Variants in VPS13A observed in about 807,000 individuals in gnomAD.
VPS13A encodes the protein intermembrane lipid transfer protein VPS13A.
In VPS13A, 264 loss-of-function variants were observed where a neutral mutation model predicts 390.9. The observed-to-expected ratio is 0.68, with a 90% CI of 0.61 to 0.75. The LOEUF (loss-of-function observed/expected upper bound fraction) is 0.75, where lower values mean the gene tolerates loss of function less well. VPS13A is among the 30% of genes least tolerant of loss of function. The probability of loss-of-function intolerance (pLI) is 0.00; values close to 1 mark genes in which losing one functional copy is unlikely to be tolerated. For synonymous variants in VPS13A, 1,231 were observed against 1,227.1 expected, an observed-to-expected ratio of 1.00 and a Z score of -0.07; for missense variants, 3,409 against 3,733.9, an observed-to-expected ratio of 0.91 and a Z score of 2.27.
intron 67 of VPS13A, among the ~76,000 whole-genome samples, chr9:77,377,044 T>C (rs1251653157): frequency 3.3e-5 from 5 of 152,158 alleles, no homozygotes; most frequent in Non-Finnish European, 5.9e-5. Flanking sequence ...ATTTGGGGAG[T>C]GTAGCCATCT....
Position 77,183,129 on chromosome 9 carries a change from A to G in VPS13A, c.100+5325A>G, listed in dbSNP as rs560187153. The stretch of plus-strand genomic sequence containing the variant: ...TAAAGACTATGAAACATTTTATTAT[A>G]AAAAGTGTTAGGAGATTTTACAGTG... On this transcript the variant is annotated intron_variant, in intron 1 of 71. Transcript: ENST00000360280. Among the ~76,000 whole-genome samples, 287 of 152,334 alleles carry G rather than the reference A, an allele frequency of 1.9e-3. 1 individual carries two copies. The highest frequency in any genetic ancestry group is 6.7e-3 in the African/African-American group (277 of 41,588).
intron 26 of VPS13A, among the ~76,000 whole-genome samples, chr9:77,279,167 G>C (rs546040847): frequency 6.6e-6 from 1 of 152,332 alleles, no homozygotes; most frequent in Non-Finnish European, 1.5e-5. Context: ...TGTACCAGAA[G>C]AATTGGATGA....
chr9:77,205,566 G>T lies in VPS13A; in HGVS notation c.283+158G>T, dbSNP rs994068668. Among the ~76,000 whole-genome samples the T allele has an allele frequency of 2.0e-5, 3 of 150,948 alleles. No homozygotes were observed. The East Asian group carries it at 5.8e-4, about 29-fold the overall frequency. ...AATTGGTTTTTACTCTACATTTTTG[G>T]CAACTTTGAATTATTTATTATTTAT... On this transcript the variant is annotated intron_variant, in intron 4 of 71. Transcript: ENST00000360280.
chr9:77,294,721 T>G (rs958568013), intron 32 of VPS13A, among the ~76,000 whole-genome samples: 1 of 152,188 alleles, frequency 6.6e-6, no homozygotes, highest in Non-Finnish European at 1.5e-5. Flanking sequence ...TAAAAAAAAT[T>G]AGAGTTGGGT....
chr9:77,200,701 A>C (rs1825280419), intron 2 of VPS13A, among the ~76,000 whole-genome samples: 1 of 152,020 alleles, frequency 6.6e-6, no homozygotes, highest in Non-Finnish European at 1.5e-5. Context: ...AAAAGTTTTT[A>C]ATCTGATAAA....
intron 67 of VPS13A, 84 bp from the exon 68 acceptor site, chr9:77,381,892 A>G: frequency 7.0e-6 from 6 of 852,608 alleles, no homozygotes; most frequent in Non-Finnish European, 1.1e-5. Context: ...CTGAAATAAG[A>G]TTGTTTTTAG....
intron 19 of VPS13A, among the ~76,000 whole-genome samples, chr9:77,244,106 C>T (rs894387702): frequency 1.3e-5 from 2 of 152,026 alleles, no homozygotes; most frequent in African/African-American, 4.8e-5. Context: ...GGTTTGGTGA[C>T]GTGTACCTAT....
intron 45 of VPS13A, among the ~76,000 whole-genome samples, chr9:77,330,446 C>A (rs1830225086): frequency 6.6e-6 from 1 of 152,148 alleles, no homozygotes; most frequent in Admixed American, 6.5e-5. Context: ...CAGCTTCCAA[C>A]CAACTTTTTC....
chr9:77,299,895 G>A (rs546123925), intron 33 of VPS13A, among the ~76,000 whole-genome samples: 4 of 152,212 alleles, frequency 2.6e-5, no homozygotes, highest in Non-Finnish European at 5.9e-5. Context: ...TATGGACACA[G>A]GAGGGGGAAC....
intron 5 of VPS13A, 110 bp from the exon 6 acceptor site, chr9:77,209,313 A>G (rs965620992): frequency 1.4e-6 from 1 of 734,840 alleles, no homozygotes; most frequent in African/African-American, 1.8e-5. Flanking sequence ...TTCTATTTAC[A>G]TATATATGTA....
At chr9:77,216,882 T>C (rs1048635954) in intron 10 of VPS13A, among the ~76,000 whole-genome samples, 2 of 152,150 alleles carry the variant, frequency 1.3e-5, no homozygotes, top group Non-Finnish European at 2.9e-5. Context: ...GAGAAAGATG[T>C]AGGCTCAGAG....
At chr9:77,350,497 A>G (rs1325404419) in intron 52 of VPS13A, among the ~76,000 whole-genome samples, 1 of 152,108 alleles carries the variant, frequency 6.6e-6, no homozygotes, top group Non-Finnish European at 1.5e-5. Flanking sequence ...GTGTTATGCT[A>G]TTGCTTGTTC....
chr9:77,303,975 T>C (rs543024720), intron 34 of VPS13A, among the ~76,000 whole-genome samples: 2 of 152,142 alleles, frequency 1.3e-5, no homozygotes, highest in Admixed American at 6.5e-5. Flanking sequence ...TTTCCTCTTT[T>C]ACTAATCCAC....
rs1415770227 is a variant in VPS13A, at chr9:77,221,322, A to G, written c.1127A>G (p.Lys376Arg). 6.2e-7 allele frequency: 1 copy of G among 1,613,240 alleles called. No homozygotes were observed. Among genetic ancestry groups the G allele is most frequent in the Non-Finnish European group, 8.5e-7 (1 of 1,179,474 alleles). The change falls in exon 13 of 72, where the codon AAG becomes AGG. Residue 376 changes from lysine to arginine, a missense_variant. Physicochemically the swap from Lys to Arg is conservative, Grantham distance 26. Transcript: ENST00000360280. ...KELYKKKLTS[K>R]KPPGELLVSL... ...CTGTATAAAAAAAAGTTAACAAGTA[A>G]GAAGCCACCTGGTGAACTTCTCGTG...
intron 36 of VPS13A, among the ~76,000 whole-genome samples, 160 bp downstream of exon 36, chr9:77,314,279 C>CT (rs1829254064): frequency 6.6e-6 from 1 of 151,942 alleles, no homozygotes; most frequent in Non-Finnish European, 1.5e-5. Flanking sequence ...AACTATTTCC[C>CT]TTTTAAATGA....
At chr9:77,261,206 T>G (rs1486573825) in intron 23 of VPS13A, among the ~76,000 whole-genome samples, 2 of 152,272 alleles carry the variant, frequency 1.3e-5, no homozygotes, top group Non-Finnish European at 2.9e-5. Flanking sequence ...GCCTGTATTC[T>G]TTTATTTTTA....
intron 35 of VPS13A, 128 bp from the exon 36 acceptor site, chr9:77,313,864 T>C (rs1442549908): frequency 5.7e-6 from 6 of 1,044,154 alleles, no homozygotes; most frequent in Non-Finnish European, 8.2e-6. Context: ...AATTTTCTAA[T>C]ATTTTATTTT....
At position 77,226,549 on chromosome 9, in the gene VPS13A, T is replaced by G; in HGVS notation, c.1308T>G (p.Ser436=). 2 of 1,613,276 alleles carry G rather than the reference T, an allele frequency of 1.2e-6. No homozygotes were observed. Among genetic ancestry groups the G allele is most frequent in the Non-Finnish European group, 1.7e-6 (2 of 1,179,482 alleles). ...DNKGWFSWLW[S]WSEQNTNEQQ... ...AAGGGTGGTTTAGCTGGCTATGGTC[T>G]TGGTCAGAACAAAATACTAATGAAC... is the stretch of plus-strand genomic sequence containing the variant. The change falls in exon 15 of 72, where the codon TCT becomes TCG. Residue 436 remains serine, a synonymous_variant. Coordinates refer to ENST00000360280, the MANE Select transcript of VPS13A (RefSeq NM_033305.3).
In VPS13A at chr9:77,238,162, G is replaced by A; in HGVS notation, c.1756G>A (p.Ala586Thr). Residue 586 changes from alanine (A) to threonine (T), a missense_variant, in exon 18 of 72, where the codon GCT becomes ACT. Ala to Thr is a moderately conservative substitution (Grantham distance 58). Coordinates refer to ENST00000360280, the MANE Select transcript of VPS13A (RefSeq NM_033305.3). ...ETVSQRCIIE[A>T]EPLEIIYDAR... is the part of the protein sequence containing the mutation. ...TGTTTCTCAGAGGTGTATCATAGAA[G>A]CTGAACCTTTAGAAATCATATATGA... 1 of 1,613,554 alleles carries A rather than the reference G, an allele frequency of 6.2e-7. No homozygotes were observed. The highest frequency in any genetic ancestry group is 1.1e-5 in the South Asian group (1 of 90,982).
Sources: gnomAD v4.1 joint callset for allele counts (sites outside exome capture counted in the v4.1 genomes callset) on GRCh38, gnomAD v4.1.1 for gene constraint, MANE v1.5 for transcripts, NCBI Gene and HGNC (gene_info 2026-07-23, HGNC 2026-07-21) for gene names.